TRDN: variants seen among roughly 807,000 people sequenced by gnomAD.
TRDN encodes the protein triadin, also known as triadin in skeletal muscle.
TRDN carries 161 observed loss-of-function variants against 149.7 expected under a neutral mutation model. That is an observed-to-expected ratio of 1.08 (90% CI 0.95 to 1.23). TRDN has a LOEUF of 1.23. Ranked by LOEUF, TRDN falls within the 50% of genes most tolerant of loss-of-function variation. The pLI is 0.00. For synonymous variants in TRDN, 294 were observed against 250.5 expected, an observed-to-expected ratio of 1.17 and a Z score of -1.64; for missense variants, 896 against 823.5, an observed-to-expected ratio of 1.09 and a Z score of -1.08.
In TRDN at chr6:123,341,226, T is replaced by C. The variant is rs1356585882; in HGVS notation, c.1370-3557A>G. On this transcript the variant is annotated intron_variant, in intron 21 of 40. Transcript: ENST00000334268. ...TAAATTTGAATTCTTCTGAAAGATA[T>C]AACAGACTAATTTTACTGTAGACAC... is the stretch of plus-strand genomic sequence containing the variant. Among the ~76,000 whole-genome samples the C allele has an allele frequency of 4.0e-5, 6 of 148,618 alleles. No individual in the cohort carries two copies. The South Asian group carries it at 6.9e-4, about 17-fold the overall frequency.
chr6:123,588,766 C>G (rs1459420309), intron 1 of TRDN, among the ~76,000 whole-genome samples: 4 of 152,092 alleles, frequency 2.6e-5, no homozygotes, highest in African/African-American at 9.7e-5. Context: ...TTTTATCGGG[C>G]AGGGCTGAAT....
chr6:123,477,598 G>A (rs993691009), intron 9 of TRDN, among the ~76,000 whole-genome samples: 35 of 151,466 alleles, frequency 2.3e-4, no homozygotes, highest in African/African-American at 7.0e-4. Flanking sequence ...CTGCTATAAA[G>A]ACACATGCAC....
intron 12 of TRDN, among the ~76,000 whole-genome samples, chr6:123,433,583 A>C (rs913459015): frequency 9.2e-5 from 14 of 152,238 alleles, no homozygotes; most frequent in South Asian, 6.2e-4. Flanking sequence ...TATTTCAGAA[A>C]AGCTATGTGG....
chr6:123,236,321 A>G (rs1775785668), intron 38 of TRDN, among the ~76,000 whole-genome samples: 2 of 152,272 alleles, frequency 1.3e-5, no homozygotes, highest in South Asian at 4.1e-4. Context: ...TTGGTGAACT[A>G]TGTGTTAAAA....
intron 12 of TRDN, among the ~76,000 whole-genome samples, chr6:123,403,009 G>T (rs531079254): frequency 6.6e-6 from 1 of 152,172 alleles, no homozygotes; most frequent in Admixed American, 6.5e-5. Context: ...AAGAAAGGAG[G>T]GTCCTTGAAA....
chr6:123,584,852 G>T (rs1173082027), intron 1 of TRDN, among the ~76,000 whole-genome samples: 2 of 152,192 alleles, frequency 1.3e-5, no homozygotes, highest in South Asian at 2.1e-4. Flanking sequence ...GAACCACGGG[G>T]TGGATAGGCA....
intron 23 of TRDN, among the ~76,000 whole-genome samples, chr6:123,325,753 T>A (rs1423123210): frequency 6.6e-6 from 1 of 152,088 alleles, no homozygotes. Context: ...AAAACACTGG[T>A]TAAGTTTACT....
intron 9 of TRDN, among the ~76,000 whole-genome samples, chr6:123,480,949 G>C (rs771045404): frequency 3.3e-5 from 5 of 152,012 alleles, no homozygotes; most frequent in Non-Finnish European, 7.4e-5. Flanking sequence ...CCTAGAATCT[G>C]TTGTTTTCAT....
At chr6:123,404,410 T>C (rs1044761518) in intron 12 of TRDN, among the ~76,000 whole-genome samples, 1 of 152,182 alleles carries the variant, frequency 6.6e-6, no homozygotes, top group African/African-American at 2.4e-5. Context: ...TAACCTTTTT[T>C]AATTTTAGAG....
intron 8 of TRDN, among the ~76,000 whole-genome samples, chr6:123,500,751 G>T (rs2114823684): frequency 1.3e-5 from 2 of 152,220 alleles, no homozygotes; most frequent in African/African-American, 4.8e-5. Flanking sequence ...CATTCTGGGT[G>T]CAGAATGTCA....
intron 31 of TRDN, among the ~76,000 whole-genome samples, 170 bp from the exon 32 acceptor site, chr6:123,267,921 G>T (rs1180086122): frequency 6.6e-6 from 1 of 151,982 alleles, no homozygotes. Context: ...TATAAACAGG[G>T]TTAGGTTCTT....
intron 1 of TRDN, among the ~76,000 whole-genome samples, chr6:123,586,983 G>C (rs554400224): frequency 6.5e-4 from 99 of 152,022 alleles, no homozygotes; most frequent in African/African-American, 2.3e-3. Flanking sequence ...AATAAGGGAT[G>C]GGGGCACAGA....
intron 1 of TRDN, among the ~76,000 whole-genome samples, chr6:123,612,877 G>A (rs1784889154): frequency 6.6e-6 from 1 of 152,106 alleles, no homozygotes; most frequent in South Asian, 2.1e-4. Flanking sequence ...GTAGTCTCCA[G>A]GCACATAATT....
chr6:123,234,498 G>T (rs935385072), intron 38 of TRDN, among the ~76,000 whole-genome samples: 1 of 152,110 alleles, frequency 6.6e-6, no homozygotes, highest in East Asian at 1.9e-4. Context: ...TTAGGATTCT[G>T]TGATGAAGCA....
chr6:123,631,492 C>T (rs1383363165), intron 1 of TRDN, among the ~76,000 whole-genome samples: 3 of 151,836 alleles, frequency 2.0e-5, no homozygotes, highest in African/African-American at 7.2e-5. Context: ...TGATTACTTC[C>T]TTGTCTGCTT....
chr6:123,310,116 C>T (rs1387730570), intron 24 of TRDN, among the ~76,000 whole-genome samples: 1 of 152,032 alleles, frequency 6.6e-6, no homozygotes, highest in Non-Finnish European at 1.5e-5. Flanking sequence ...AGCAGTTCAT[C>T]TGTCCAGTAA....
At chr6:123,350,667 C>G (rs1780428737) in intron 21 of TRDN, 13 of 778,350 alleles carry the variant, frequency 1.7e-5, no homozygotes, top group Non-Finnish European at 2.0e-5. Context: ...AATAGATATA[C>G]TATCATAAAA....
At chr6:123,450,448 A>C (rs1775702167) in intron 10 of TRDN, among the ~76,000 whole-genome samples, 1 of 152,158 alleles carries the variant, frequency 6.6e-6, no homozygotes, top group Non-Finnish European at 1.5e-5. Flanking sequence ...CTTATATCAG[A>C]CAAGAAAAAC....
intron 2 of TRDN, among the ~76,000 whole-genome samples, chr6:123,554,894 C>G (rs1472412066): frequency 1.3e-5 from 2 of 152,120 alleles, no homozygotes; most frequent in Non-Finnish European, 1.5e-5. Flanking sequence ...CAAGGTCTGG[C>G]ATTATTTGTT....
Sources: allele counts gnomAD v4.1 joint callset (sites outside exome capture counted in the v4.1 genomes callset), GRCh38; gene constraint gnomAD v4.1.1; transcripts MANE v1.5; gene names NCBI Gene and HGNC (gene_info 2026-07-23, HGNC 2026-07-21).